GREM2: variants seen among roughly 807,000 people sequenced by gnomAD.
The protein encoded by GREM2 is gremlin-2.
GREM2 carries 11 observed loss-of-function variants against 14.2 expected under a neutral mutation model. The ratio of observed to expected loss-of-function variants is 0.78; its 90% CI spans 0.49 to 1.28. The LOEUF (loss-of-function observed/expected upper bound fraction) is 1.28. Ranked by LOEUF, GREM2 falls within the 50% of genes most tolerant of loss-of-function variation. GREM2 has a pLI of 0.00. For synonymous variants in GREM2, 98 were observed against 97.6 expected (o/e 1.00, Z -0.02); for missense variants, 210 against 218.5 (o/e 0.96, Z 0.24).
chr1:240,558,252 C>T (rs1934341), intron 1 of GREM2, among the ~76,000 whole-genome samples: 43,396 of 151,778 alleles, frequency 0.29, 6,451 homozygotes, highest in East Asian at 0.38. Context: ...GGAAGATAAC[C>T]GAAGAATCAG....
intron 1 of GREM2, among the ~76,000 whole-genome samples, chr1:240,534,908 T>C (rs1214877223): frequency 6.6e-6 from 1 of 152,028 alleles, no homozygotes; most frequent in Non-Finnish European, 1.5e-5. Flanking sequence ...TGACGCCAGA[T>C]ACTTAGCTAC....
intron 1 of GREM2, among the ~76,000 whole-genome samples, chr1:240,530,035 A>G (rs112291001): frequency 6.6e-6 from 1 of 152,238 alleles, no homozygotes; most frequent in Non-Finnish European, 1.5e-5. Flanking sequence ...AGTCTCAGAT[A>G]CTCATTGACC....
chr1:240,578,789 TAAA>T (rs1240883624), intron 1 of GREM2, among the ~76,000 whole-genome samples: 1 of 74,850 alleles, frequency 1.3e-5, no homozygotes, highest in African/African-American at 1.2e-4. Flanking sequence ...GTCTCAAAAA[TAAA>T]ATAAAATAAA....
intron 1 of GREM2, among the ~76,000 whole-genome samples, chr1:240,591,016 A>AAG (rs1679703025): frequency 6.7e-6 from 1 of 148,720 alleles, no homozygotes; most frequent in Non-Finnish European, 1.5e-5. Context: ...GCCTGACCTC[A>AAG]TGATCTGCCC....
chr1:240,589,612 G>C (rs1473007865), intron 1 of GREM2, among the ~76,000 whole-genome samples: 4 of 151,842 alleles, frequency 2.6e-5, no homozygotes, highest in African/African-American at 9.7e-5. Flanking sequence ...GAGAACAATG[G>C]GATCTCCTGA....
At chr1:240,494,885 A>C (rs1473953003) in intron 1 of GREM2, among the ~76,000 whole-genome samples, 1 of 151,914 alleles carries the variant, frequency 6.6e-6, no homozygotes, top group East Asian at 1.9e-4. Context: ...TGTGCGACAG[A>C]GTGAGACTCC....
intron 1 of GREM2, among the ~76,000 whole-genome samples, chr1:240,515,259 G>A (rs1677928604): frequency 6.6e-6 from 1 of 152,174 alleles, no homozygotes; most frequent in Non-Finnish European, 1.5e-5. Context: ...AACAAATCCT[G>A]TAAATCCTCA....
At chr1:240,503,012 C>A (rs1207116751) in intron 1 of GREM2, among the ~76,000 whole-genome samples, 1 of 152,170 alleles carries the variant, frequency 6.6e-6, no homozygotes, top group Non-Finnish European at 1.5e-5. Context: ...CCATTCAGGT[C>A]TTTATTGTGG....
rs1678661146 is a variant in GREM2, at chr1:240,544,152, T to C, written c.-1-50676A>G. Among the ~76,000 whole-genome samples the C allele has an allele frequency of 4.8e-5, 4 of 84,050 alleles. 1 individual carries two copies. The African/African-American group carries it at 4.9e-4, about 10-fold the overall frequency. The allele number at this position is 84,050 out of a possible 152,430, so 55.1% of individuals were successfully genotyped here. A position where few individuals can be genotyped will look rare whatever the true frequency, so the allele number is the denominator to read the frequency against. ...ATAGATTATATGCAAGCACTAGGCC[T>C]TTTTTTTTTTTTTTTGAGACAGTCT... On this transcript the variant is annotated intron_variant, in intron 1 of 1. Coordinates refer to ENST00000318160, the MANE Select transcript of GREM2 (RefSeq NM_022469.4).
intron 1 of GREM2, among the ~76,000 whole-genome samples, chr1:240,521,167 C>A (rs1025190144): frequency 1.3e-5 from 2 of 152,062 alleles, no homozygotes; most frequent in East Asian, 3.9e-4. Context: ...TTATATTTTC[C>A]TGGTTCTGTC....
intron 1 of GREM2, among the ~76,000 whole-genome samples, chr1:240,597,317 C>T (rs1028812665): frequency 3.3e-5 from 5 of 152,236 alleles, no homozygotes; most frequent in African/African-American, 9.6e-5. Flanking sequence ...AACTGTATGC[C>T]TGTCCTTGTA....
chr1:240,544,195 T>C (rs575130013), intron 1 of GREM2, among the ~76,000 whole-genome samples: 2 of 150,268 alleles, frequency 1.3e-5, no homozygotes, highest in African/African-American at 5.0e-5. Context: ...TCGCCCAGGC[T>C]GGAGTGCAGT....
intron 1 of GREM2, among the ~76,000 whole-genome samples, chr1:240,561,639 C>A (rs1299884529): frequency 1.3e-5 from 2 of 151,298 alleles, no homozygotes; most frequent in African/African-American, 4.9e-5. Flanking sequence ...TTATTTGAGA[C>A]CTTTGCTGAA....
At chr1:240,529,892 G>A (rs1293423981) in intron 1 of GREM2, among the ~76,000 whole-genome samples, 1 of 152,110 alleles carries the variant, frequency 6.6e-6, no homozygotes, top group Non-Finnish European at 1.5e-5. Flanking sequence ...AGCAAACACA[G>A]AGGCAGCCCT....
intron 1 of GREM2, among the ~76,000 whole-genome samples, chr1:240,512,729 G>C (rs1677861346): frequency 6.6e-6 from 1 of 152,020 alleles, no homozygotes; most frequent in Non-Finnish European, 1.5e-5. Flanking sequence ...TCCATATAAG[G>C]TTTCATGTAA....
chr1:240,504,091 C>T (rs9428479), intron 1 of GREM2, among the ~76,000 whole-genome samples: 108,207 of 152,102 alleles, frequency 0.71, 38,669 homozygotes, highest in African/African-American at 0.77. Flanking sequence ...ATAGGAGTGA[C>T]ACTTTCTACA....
chr1:240,502,187 G>A (rs1162750255), intron 1 of GREM2, among the ~76,000 whole-genome samples: 1 of 152,020 alleles, frequency 6.6e-6, no homozygotes, highest in Admixed American at 6.6e-5. Flanking sequence ...TGTCTAAAAT[G>A]CTTTGAACAA....
At position 240,563,018 on chromosome 1, in the gene GREM2, G is replaced by A. The variant is rs539734638; in HGVS notation, c.-2+48866C>T. On this transcript the variant is annotated intron_variant, in intron 1 of 1. Coordinates refer to ENST00000318160, the MANE Select transcript of GREM2 (RefSeq NM_022469.4). ...TGTGTGTATATGTGAGTGTATGTGTGTATGTGTGTATATGAGTGTGTATGT... is the reference window on the plus strand; with the variant it reads ...TGTGTGTATATGTGAGTGTATGTGTATATGTGTGTATATGAGTGTGTATGT... Among the ~76,000 whole-genome samples the A allele has an allele frequency of 2.0e-5, 3 of 150,636 alleles. No homozygotes were observed. The South Asian group carries it at 6.3e-4, about 32-fold the overall frequency.
chr1:240,520,325 C>T (rs1437474660), intron 1 of GREM2, among the ~76,000 whole-genome samples: 3 of 152,028 alleles, frequency 2.0e-5, no homozygotes, highest in Admixed American at 6.6e-5. Context: ...CTTTCAAACA[C>T]AGGATTCCAA....
Sources: allele counts gnomAD v4.1 joint callset (sites outside exome capture counted in the v4.1 genomes callset), GRCh38; gene constraint gnomAD v4.1.1; transcripts MANE v1.5; gene names NCBI Gene and HGNC (gene_info 2026-07-23, HGNC 2026-07-21).